Variants in NFE2L3 observed in about 807,000 individuals in gnomAD.
NFE2L3 encodes nuclear factor erythroid 2-related factor 3.
NFE2L3 carries 18 observed loss-of-function variants against 23.5 expected under a neutral mutation model. The ratio of observed to expected loss-of-function variants is 0.77; its 90% CI spans 0.53 to 1.13. The LOEUF is 1.13. NFE2L3 is among the 50% of genes most tolerant of loss of function. NFE2L3 has a pLI of 0.00. For missense variants in NFE2L3, 1,152 were observed against 877.2 expected (o/e 1.31, Z -3.96); for synonymous variants, 424 against 354.5 (o/e 1.20, Z -2.20).
Position 26,185,594 on chromosome 7 carries a change from C to A in NFE2L3, c.1896C>A (p.Asn632Lys). The change falls in exon 4 of 4, where the codon AAC becomes AAA. Residue 632 changes from asparagine to lysine, a missense_variant. Transcript: ENST00000056233. ...REQAQCNKAI[N>K]IMKQKLHDLY... ...AAGCACAATGTAACAAAGCTATTAA[C>A]ATAATGAAACAGAAACTGCATGACC... 1 of 1,613,748 alleles carries A rather than the reference C, an allele frequency of 6.2e-7. No homozygotes were observed. Among genetic ancestry groups the A allele is most frequent in the Non-Finnish European group, 8.5e-7 (1 of 1,179,764 alleles).
chr7:26,184,713 C>G lies in NFE2L3; in HGVS notation c.1015C>G (p.Gln339Glu), dbSNP rs1562680151. The G allele has an allele frequency of 6.2e-7, 1 of 1,613,780 alleles. No individual in the cohort carries two copies. Among genetic ancestry groups the G allele is most frequent in the South Asian group, 1.1e-5 (1 of 91,054 alleles). Residue 339 changes from glutamine (Q) to glutamate (E), a missense_variant, in exon 4 of 4, where the codon CAA (glutamine) becomes GAA (glutamate). By Grantham distance (29) the Gln-to-Glu change is conservative. Transcript: ENST00000056233. ...TCCAACAGCAAGGACTTCACAGTCA[C>G]AAGAACCATTTCTGCAGTTAAATTC... ...RDPTARTSQS[Q>E]EPFLQLNSHT... is the part of the protein sequence containing the mutation.
intron 2 of NFE2L3, among the ~76,000 whole-genome samples, chr7:26,180,334 A>C (rs868716681): frequency 2.0e-5 from 3 of 152,018 alleles, no homozygotes; most frequent in Non-Finnish European, 4.4e-5. Context: ...GTAACCCTCA[A>C]TTGCAACCTG....
In NFE2L3 at chr7:26,186,093, G is replaced by C. The variant is rs1169908724; in HGVS notation, c.*310G>C. The C allele has an allele frequency of 4.5e-6, 1 of 220,490 alleles. No homozygotes were observed. The highest frequency in any genetic ancestry group is 8.9e-6 in the Non-Finnish European group (1 of 112,892). The allele number at this position is 220,490 out of a possible 1,614,324, so 13.7% of individuals were successfully genotyped here. A position where few individuals can be genotyped will look rare whatever the true frequency, so the allele number is the denominator to read the frequency against. On this transcript the variant is annotated 3_prime_UTR_variant, in exon 4 of 4. Coordinates refer to ENST00000056233, the MANE Select transcript of NFE2L3 (RefSeq NM_004289.7). Reference sequence around the variant, plus strand: ...CCATCTTGGCAGCCATCCTTTTTAAGAGTAAGTTGGTTACTTCAAAAAGAG... The same window carrying C: ...CCATCTTGGCAGCCATCCTTTTTAACAGTAAGTTGGTTACTTCAAAAAGAG...
chr7:26,184,342 C>T, intron 3 of NFE2L3, 191 bp from the exon 4 acceptor site: 3 of 540,308 alleles, frequency 5.6e-6, no homozygotes, highest in Non-Finnish European at 9.8e-6. Flanking sequence ...CTCAGAATTC[C>T]AGGTATTCTG....
At chr7:26,183,258 G>A (rs1464547343) in intron 2 of NFE2L3, among the ~76,000 whole-genome samples, 2 of 151,980 alleles carry the variant, frequency 1.3e-5, no homozygotes, top group East Asian at 3.9e-4. Context: ...ACCATAATCA[G>A]AGAAATAGGT....
chr7:26,159,767 T>A (rs777394255), intron 1 of NFE2L3, among the ~76,000 whole-genome samples: 4 of 152,092 alleles, frequency 2.6e-5, no homozygotes, highest in South Asian at 2.1e-4. Context: ...TGGTGAAACT[T>A]GGGATTGCCT....
At chr7:26,156,585 T>C (rs751550662) in intron 1 of NFE2L3, among the ~76,000 whole-genome samples, 6 of 152,216 alleles carry the variant, frequency 3.9e-5, no homozygotes, top group Non-Finnish European at 7.3e-5. Context: ...GGATGAAGCA[T>C]GCATTCTTCC....
Position 26,157,521 on chromosome 7 carries a change from A to G in NFE2L3, c.570+4453A>G, listed in dbSNP as rs530966346. Among the ~76,000 whole-genome samples, 17 of 152,302 alleles carry G rather than the reference A, an allele frequency of 1.1e-4. No homozygotes were observed. In the South Asian group the frequency reaches 3.1e-3, roughly 28 times the overall value. On this transcript the variant is annotated intron_variant, in intron 1 of 3. Coordinates refer to ENST00000056233, the MANE Select transcript of NFE2L3 (RefSeq NM_004289.7). ...AAGTAAAAATTGTTTTTCATTTCAG[A>G]ATAAAAAATAGTCCCTAACTCCTGG...
intron 1 of NFE2L3, among the ~76,000 whole-genome samples, chr7:26,162,484 T>C (rs1328400841): frequency 3.3e-5 from 5 of 152,052 alleles, no homozygotes. Context: ...TTTTCCATAA[T>C]AAGGAAAAAT....
At position 26,186,386 on chromosome 7, in the gene NFE2L3, A is replaced by G. The variant is rs1372167749; in HGVS notation, c.*603A>G. The G allele has an allele frequency of 6.6e-6, 1 of 152,248 alleles. No individual in the cohort carries two copies. The highest frequency in any genetic ancestry group is 1.5e-5 in the Non-Finnish European group (1 of 68,078). The allele number at this position is 152,248 out of a possible 1,614,324, so 9.4% of individuals were successfully genotyped here. On this transcript the variant is annotated 3_prime_UTR_variant, in exon 4 of 4. Transcript: ENST00000056233. The stretch of plus-strand genomic sequence containing the variant: ...TCAGGAATATAGGTGAATAACAAAT[A>G]AGGCAGCATAGCAAACTGCTCAGAC...
intron 2 of NFE2L3, among the ~76,000 whole-genome samples, chr7:26,180,573 C>T (rs1784489609): frequency 6.6e-6 from 1 of 152,176 alleles, no homozygotes; most frequent in Admixed American, 6.5e-5. Flanking sequence ...GTATTCACAG[C>T]TCTGTTTGAG....
chr7:26,167,543 T>G (rs1238673823), intron 1 of NFE2L3, among the ~76,000 whole-genome samples: 1 of 151,896 alleles, frequency 6.6e-6, no homozygotes. Context: ...TTTTTTTTAA[T>G]TGTCCCAGCC....
intron 1 of NFE2L3, among the ~76,000 whole-genome samples, chr7:26,165,587 C>T (rs1784236590): frequency 6.6e-6 from 1 of 152,216 alleles, no homozygotes; most frequent in African/African-American, 2.4e-5. Context: ...ATCATGTCAT[C>T]TGCAAACAGG....
At chr7:26,183,949 TTCCAAATAA>T (rs1782402186) in intron 3 of NFE2L3, 165 bp downstream of exon 3, 1 of 555,328 alleles carries the variant, frequency 1.8e-6, no homozygotes, top group Non-Finnish European at 3.2e-6. Context: ...GCATTCCTCT[TTCCAAATAA>T]TCCCAAAGGT....
chr7:26,175,530 C>T (rs1784388528), intron 1 of NFE2L3, among the ~76,000 whole-genome samples: 1 of 152,074 alleles, frequency 6.6e-6, no homozygotes, highest in Non-Finnish European at 1.5e-5. Flanking sequence ...GTAATCCCAG[C>T]ACTTTGGGAG....
At chr7:26,178,750 ACT>A (rs1036554305) in intron 2 of NFE2L3, among the ~76,000 whole-genome samples, 3 of 151,986 alleles carry the variant, frequency 2.0e-5, no homozygotes, top group Non-Finnish European at 2.9e-5. Context: ...TTTGGGCTGT[ACT>A]CTGATTTCTC....
At position 26,186,820 on chromosome 7, in the gene NFE2L3, A is replaced by C. The variant is rs536470639; in HGVS notation, c.*1037A>C. 2 of 152,320 alleles carry C rather than the reference A, an allele frequency of 1.3e-5. No homozygotes were observed. Among genetic ancestry groups the C allele is most frequent in the South Asian group, 4.1e-4 (2 of 4,826 alleles). The allele number at this position is 152,320 out of a possible 1,614,324, so 9.4% of individuals were successfully genotyped here. A position where few individuals can be genotyped will look rare whatever the true frequency, so the allele number is the denominator to read the frequency against. On this transcript the variant is annotated 3_prime_UTR_variant, in exon 4 of 4. Coordinates refer to ENST00000056233, the MANE Select transcript of NFE2L3 (RefSeq NM_004289.7). ...TTTGAAAATAAACCAGGGTAAGGTA[A>C]ATTCTAGAAATAATAGCATTTGAAA...
In NFE2L3 at chr7:26,186,468, C is replaced by T. The variant is rs534370416; in HGVS notation, c.*685C>T. Reference sequence around the variant, plus strand: ...AAATCCATAGTAAGGCAAATCCACCCCCCTACCCCAATACTTAACACACAG... The same window carrying T: ...AAATCCATAGTAAGGCAAATCCACCTCCCTACCCCAATACTTAACACACAG... On this transcript the variant is annotated 3_prime_UTR_variant, in exon 4 of 4. Transcript: ENST00000056233. 6.6e-6 allele frequency: 1 copy of T among 151,178 alleles called. No individual in the cohort carries two copies. Among genetic ancestry groups the T allele is most frequent in the South Asian group, 2.1e-4 (1 of 4,676 alleles). The allele number at this position is 151,178 out of a possible 1,614,324, so 9.4% of individuals were successfully genotyped here.
chr7:26,185,946 G>T lies in NFE2L3; in HGVS notation c.*163G>T, dbSNP rs545121514. ...TGAAGCTTACATGGACAAATGTTTA[G>T]GACTTCAAGATCACACTTGTGGGCA... On this transcript the variant is annotated 3_prime_UTR_variant, in exon 4 of 4. Coordinates refer to ENST00000056233, the MANE Select transcript of NFE2L3 (RefSeq NM_004289.7). The T allele has an allele frequency of 3.4e-5, 21 of 617,624 alleles. No individual in the cohort carries two copies. In the East Asian group the frequency reaches 6.2e-4, roughly 18 times the overall value. 38.3% of individuals were successfully genotyped at this position (617,624 alleles called of 1,614,324 possible). A position where few individuals can be genotyped will look rare whatever the true frequency, so the allele number is the denominator to read the frequency against.
Sources: allele counts gnomAD v4.1 joint callset (sites outside exome capture counted in the v4.1 genomes callset), GRCh38; gene constraint gnomAD v4.1.1; transcripts MANE v1.5; gene names NCBI Gene and HGNC (gene_info 2026-07-23, HGNC 2026-07-21).